PCBP2: variants seen among roughly 807,000 people sequenced by gnomAD.
The protein encoded by PCBP2 is poly(rC)-binding protein 2.
Under a neutral mutation model 50.1 loss-of-function variants are expected in PCBP2, and 4 were observed. The ratio of observed to expected loss-of-function variants is 0.08; its 90% CI spans 0.04 to 0.18. The LOEUF is 0.18. PCBP2 is among the 10% of genes least tolerant of loss of function. PCBP2 has a pLI of 1.00. For synonymous variants in PCBP2, 179 were observed against 168.0 expected (o/e 1.07, Z -0.51); for missense variants, 161 against 474.3 (o/e 0.34, Z 6.14).
chr12:53,461,253 T>TG, intron 7 of PCBP2, 110 bp downstream of exon 7: 1 of 1,245,084 alleles, frequency 8.0e-7, no homozygotes. Context: ...AGGCTTCCAG[T>TG]GGGGGTGGGG....
intron 13 of PCBP2, among the ~76,000 whole-genome samples, chr12:53,470,378 CAAAAAAA>C (rs754350790): frequency 0.27 from 12,881 of 47,260 alleles, 871 homozygotes; most frequent in Non-Finnish European, 0.3. Context: ...CTCCGTCTCT[CAAAAAAA>C]AAAAAAAAAA....
chr12:53,479,285 A>T, intron 14 of PCBP2, 121 bp from the exon 15 acceptor site: 2 of 845,082 alleles, frequency 2.4e-6, no homozygotes, highest in Non-Finnish European at 4.0e-6. Context: ...AAGAAACCTT[A>T]AAATGTCTCC....
At chr12:53,470,359 A>G (rs1283506464) in intron 13 of PCBP2, among the ~76,000 whole-genome samples, 2 of 140,142 alleles carry the variant, frequency 1.4e-5, no homozygotes, top group Non-Finnish European at 3.0e-5. Context: ...CCTGGGCAAC[A>G]GACCAAGACT....
chr12:53,462,784 T>G (rs1941540419), intron 8 of PCBP2, among the ~76,000 whole-genome samples: 1 of 152,168 alleles, frequency 6.6e-6, no homozygotes, highest in Non-Finnish European at 1.5e-5. Context: ...AAGAGGTAAC[T>G]TACTTGTGGG....
rs1314569224 is a variant in PCBP2, at chr12:53,479,670, G to GGTTTTTTTTTTTTTTT, written c.*241_*242insTTTGTTTTTTTTTTTT. On this transcript the variant is annotated 3_prime_UTR_variant, in exon 15 of 15. Transcript: ENST00000546463. Reference sequence around the variant, plus strand: ...TATTTAGTTTTATAAGCTTCTCCCTGGTTTTTTTTTTTTGGCTCATGAATT... The same window carrying GGTTTTTTTTTTTTTTT: ...TATTTAGTTTTATAAGCTTCTCCCTGGTTTTTTTTTTTTTTTGTTTTTTTTTTTTGGCTCATGAATT... The GGTTTTTTTTTTTTTTT allele has an allele frequency of 4.2e-4, 120 of 284,514 alleles. No homozygotes were observed. Among genetic ancestry groups the GGTTTTTTTTTTTTTTT allele is most frequent in the Non-Finnish European group, 6.1e-4 (95 of 154,546 alleles). 17.6% of individuals were successfully genotyped at this position (284,514 alleles called of 1,614,324 possible). A position where few individuals can be genotyped will look rare whatever the true frequency, so the allele number is the denominator to read the frequency against.
At position 53,481,103 on chromosome 12, in the gene PCBP2, T is replaced by G; in HGVS notation, c.*1661T>G. 1.7e-6 allele frequency: 1 copy of G among 605,478 alleles called. No individual in the cohort carries two copies. Among genetic ancestry groups the G allele is most frequent in the Non-Finnish European group, 2.2e-6 (1 of 448,396 alleles). The allele number at this position is 605,478 out of a possible 1,614,324, so 37.5% of individuals were successfully genotyped here. A position where few individuals can be genotyped will look rare whatever the true frequency, so the allele number is the denominator to read the frequency against. On this transcript the variant is annotated 3_prime_UTR_variant, in exon 15 of 15. Transcript: ENST00000546463. The stretch of plus-strand genomic sequence containing the variant: ...CAGCCCCATCTTTCTGTTGATTATG[T>G]GGCGCATATATATATATATATGTAT...
chr12:53,470,205 C>T (rs916882903), intron 13 of PCBP2, among the ~76,000 whole-genome samples: 5 of 151,670 alleles, frequency 3.3e-5, no homozygotes, highest in Non-Finnish European at 7.4e-5. Context: ...TGGTGAAACC[C>T]TGTCTCTACT....
At chr12:53,456,597 A>G (rs1941037143) in intron 5 of PCBP2, among the ~76,000 whole-genome samples, 1 of 152,366 alleles carries the variant, frequency 6.6e-6, no homozygotes, top group South Asian at 2.1e-4. Flanking sequence ...CCAAACTAAT[A>G]TGGTTTACCT....
chr12:53,466,900 G>A (rs1188600236), intron 10 of PCBP2, among the ~76,000 whole-genome samples: 1 of 152,078 alleles, frequency 6.6e-6, no homozygotes, highest in East Asian at 1.9e-4. Flanking sequence ...TTGTCCCTGC[G>A]GCAACTGTTG....
chr12:53,468,028 A>G (rs990126226), intron 12 of PCBP2, 185 bp downstream of exon 12: 1 of 593,698 alleles, frequency 1.7e-6, no homozygotes, highest in Non-Finnish European at 3.0e-6. Flanking sequence ...ACCCCCTTCT[A>G]AAAATGATGA....
chr12:53,454,367 T>G (rs1163676773), intron 1 of PCBP2: 1 of 161,584 alleles, frequency 6.2e-6, no homozygotes, highest in Non-Finnish European at 1.4e-5. Context: ...AGTTGGAGAT[T>G]TGCACTCATG....
chr12:53,476,126 T>C (rs1265917548), intron 14 of PCBP2: 2 of 152,224 alleles, frequency 1.3e-5, no homozygotes, highest in Non-Finnish European at 2.9e-5. Flanking sequence ...CCCGTGACAT[T>C]ATCCACAACT....
At chr12:53,454,548 G>GT in intron 1 of PCBP2, 178 bp from the exon 2 acceptor site, 1 of 493,316 alleles carries the variant, frequency 2.0e-6, no homozygotes, top group Non-Finnish European at 3.7e-6. Flanking sequence ...TCTATACTGT[G>GT]TAACAGAACC....
chr12:53,463,359 G>T (rs1484969129), intron 8 of PCBP2, among the ~76,000 whole-genome samples: 1 of 152,146 alleles, frequency 6.6e-6, no homozygotes, highest in Non-Finnish European at 1.5e-5. Flanking sequence ...GGTAGATCAG[G>T]TTTTAAAATA....
intron 13 of PCBP2, among the ~76,000 whole-genome samples, chr12:53,469,572 A>G (rs1483031764): frequency 1.3e-5 from 2 of 151,928 alleles, no homozygotes; most frequent in African/African-American, 4.8e-5. Flanking sequence ...ATACAAAAAA[A>G]GCAAAAAGCC....
Position 53,465,973 on chromosome 12 carries a change from T to G in PCBP2, c.714T>G (p.Asp238Glu). The G allele has an allele frequency of 6.2e-7, 1 of 1,613,764 alleles. No individual in the cohort carries two copies. Among genetic ancestry groups the G allele is most frequent in the Non-Finnish European group, 8.5e-7 (1 of 1,179,666 alleles). The change falls in exon 10 of 15, where the codon GAT becomes GAG. Residue 238 changes from aspartate to glutamate, a missense_variant and splice_region_variant. Asp to Glu is a conservative substitution (Grantham distance 45). Transcript: ENST00000546463. ...IQGQYAIPQP[D>E]LTKLHQLAMQ... ...GACAGTATGCCATTCCACAGCCAGATGTAAGTTTTGTTTTCACTTCTTGTT... is the reference window on the plus strand; with the variant it reads ...GACAGTATGCCATTCCACAGCCAGAGGTAAGTTTTGTTTTCACTTCTTGTT...
chr12:53,455,438 C>T, intron 3 of PCBP2, 23 bp from the exon 4 acceptor site: 1 of 1,614,024 alleles, frequency 6.2e-7, no homozygotes, highest in East Asian at 2.2e-5. Flanking sequence ...AGTTGGAGCT[C>T]ATGCTTGACT....
chr12:53,455,304 C>T (rs749626171), intron 2 of PCBP2, 43 bp from the exon 3 acceptor site: 32 of 1,574,758 alleles, frequency 2.0e-5, no homozygotes, highest in Non-Finnish European at 2.6e-5. Context: ...AAAAGGAATA[C>T]TTCTGAGTTT....
chr12:53,459,436 TA>T, intron 6 of PCBP2, 33 bp downstream of exon 6: 1 of 1,588,186 alleles, frequency 6.3e-7, no homozygotes, highest in Non-Finnish European at 8.6e-7. Flanking sequence ...TTAGAAATGT[TA>T]ACTATTTGTT....
Sources: gnomAD v4.1 joint callset for allele counts (sites outside exome capture counted in the v4.1 genomes callset) on GRCh38, gnomAD v4.1.1 for gene constraint, MANE v1.5 for transcripts, NCBI Gene and HGNC (gene_info 2026-07-23, HGNC 2026-07-21) for gene names.